Variants in OR4D1 observed in about 807,000 individuals in gnomAD.
The protein encoded by OR4D1 is olfactory receptor 4D1.
A neutral mutation model predicts 14.2 loss-of-function variants in OR4D1; 10 were observed. The observed-to-expected ratio is 0.71, with a 90% CI of 0.44 to 1.20. The LOEUF is 1.20. Among genes scored for constraint, OR4D1 ranks in the 50% most tolerant of loss-of-function variants. The pLI is 0.00. For missense variants in OR4D1, 345 were observed against 376.6 expected (o/e 0.92, Z 0.70); for synonymous variants, 141 against 147.4 (o/e 0.96, Z 0.32).
At chr17:58,150,688 AG>A (rs1326066611) in intron 2 of OR4D1, among the ~76,000 whole-genome samples, 2 of 152,124 alleles carry the variant, frequency 1.3e-5, no homozygotes, top group Non-Finnish European at 2.9e-5. Flanking sequence ...GGTTATGAGG[AG>A]GGGAGGAATC....
intron 2 of OR4D1, among the ~76,000 whole-genome samples, chr17:58,153,323 C>T (rs1046446159): frequency 2.0e-5 from 3 of 152,156 alleles, no homozygotes; most frequent in African/African-American, 7.2e-5. Flanking sequence ...AAGAGCTTGC[C>T]GGGGTTCTCA....
At chr17:58,151,147 G>T (rs1390787520) in intron 2 of OR4D1, among the ~76,000 whole-genome samples, 6 of 151,700 alleles carry the variant, frequency 4.0e-5, no homozygotes, top group African/African-American at 1.5e-4. Context: ...AAAATATTTT[G>T]TAATTCTCTC....
At position 58,157,819 on chromosome 17, in the gene OR4D1, A is replaced by G; in HGVS notation, c.*1733A>G. On this transcript the variant is annotated 3_prime_UTR_variant, in exon 4 of 4. Transcript: ENST00000268912. ...ACCTGTCCTAAGGAAGACCAGATCA[A>G]TAGACTCCATGATGGATGTTTGTTT... 1 of 1,597,444 alleles carries G rather than the reference A, an allele frequency of 6.3e-7. No individual in the cohort carries two copies. The highest frequency in any genetic ancestry group is 8.5e-7 in the Non-Finnish European group (1 of 1,173,862).
Position 58,158,575 on chromosome 17 carries a change from T to C in OR4D1, c.*2489T>C, listed in dbSNP as rs1362120676. On this transcript the variant is annotated 3_prime_UTR_variant, in exon 4 of 4. Transcript: ENST00000268912. The stretch of plus-strand genomic sequence containing the variant: ...AGGTGAGGTAGAAAATTAGAAATAC[T>C]TCCTAATTCTTCTCAAGGCTGTTGC... 1 of 150,482 alleles carries C rather than the reference T, an allele frequency of 6.6e-6. No homozygotes were observed. Among genetic ancestry groups the C allele is most frequent in the African/African-American group, 2.5e-5 (1 of 40,812 alleles). The allele number at this position is 150,482 out of a possible 1,614,324, so 9.3% of individuals were successfully genotyped here. A position where few individuals can be genotyped will look rare whatever the true frequency, so the allele number is the denominator to read the frequency against.
At chr17:58,153,439 G>A (rs199814481) in intron 2 of OR4D1, among the ~76,000 whole-genome samples, 1 of 152,230 alleles carries the variant, frequency 6.6e-6, no homozygotes, top group African/African-American at 2.4e-5. Flanking sequence ...ACAAATATCT[G>A]AGGATAAATG....
Position 58,152,713 on chromosome 17 carries a change from T to C in OR4D1, c.-126-1144T>C, listed in dbSNP as rs573595200. ...ACTTTGGGAGGCAGAAGCAGGTGGA[T>C]TGCTTGAGCTCAGGAGTTTGAAACC... On this transcript the variant is annotated intron_variant, in intron 2 of 3. Coordinates refer to ENST00000268912, the MANE Select transcript of OR4D1 (RefSeq NM_001386095.1). Among the ~76,000 whole-genome samples, 80 of 152,258 alleles carry C rather than the reference T, an allele frequency of 5.3e-4. No homozygotes were observed. In the Middle Eastern group the frequency reaches 0.01, roughly 19 times the overall value.
Position 58,156,024 on chromosome 17 carries a change from A to G in OR4D1, c.871A>G (p.Asn291Asp), listed in dbSNP as rs1311070163. The change falls in exon 4 of 4, where the codon AAC becomes GAC. Residue 291 changes from asparagine to aspartate, a missense_variant. Coordinates refer to ENST00000268912, the MANE Select transcript of OR4D1 (RefSeq NM_001386095.1). Reference sequence around the variant, plus strand: ...CAACCCCATGATCTACACCCTGAGAAACCAGGACATGAAAGCAGCCATGAG... The same window carrying G: ...CAACCCCATGATCTACACCCTGAGAGACCAGGACATGAAAGCAGCCATGAG... ...MLNPMIYTLRNQDMKAAMRRL... is the reference protein window; with the variant it reads ...MLNPMIYTLRDQDMKAAMRRL... The G allele has an allele frequency of 5.6e-6, 9 of 1,614,092 alleles. No homozygotes were observed. The highest frequency in any genetic ancestry group is 7.6e-6 in the Non-Finnish European group (9 of 1,179,978).
Position 58,157,172 on chromosome 17 carries a change from G to A in OR4D1, c.*1086G>A. The stretch of plus-strand genomic sequence containing the variant: ...ATGCGCTCGTGTCGGACAAGAAGCC[G>A]CCCAAGGAGGCATCCCCAGTGCCGG... On this transcript the variant is annotated 3_prime_UTR_variant, in exon 4 of 4. Coordinates refer to ENST00000268912, the MANE Select transcript of OR4D1 (RefSeq NM_001386095.1). The A allele has an allele frequency of 6.9e-7, 1 of 1,459,566 alleles. No homozygotes were observed. Among genetic ancestry groups the A allele is most frequent in the Non-Finnish European group, 9.1e-7 (1 of 1,101,926 alleles). 90.4% of individuals were successfully genotyped at this position (1,459,566 alleles called of 1,614,324 possible). A position where few individuals can be genotyped will look rare whatever the true frequency, so the allele number is the denominator to read the frequency against.
Position 58,148,811 on chromosome 17 carries a change from A to G in OR4D1, c.-495+227A>G, listed in dbSNP as rs372303044. Among the ~76,000 whole-genome samples the G allele has an allele frequency of 1.6e-3, 245 of 152,182 alleles. 9 individuals carry two copies. The South Asian group carries it at 0.049, about 31-fold the overall frequency. Reference sequence around the variant, plus strand: ...CATACATACTACAGCTTCTTCCCACACCTAGGAGAAAACACAAACAGGTCT... The same window carrying G: ...CATACATACTACAGCTTCTTCCCACGCCTAGGAGAAAACACAAACAGGTCT... On this transcript the variant is annotated intron_variant, in intron 1 of 3. Coordinates refer to ENST00000268912, the MANE Select transcript of OR4D1 (RefSeq NM_001386095.1).
In OR4D1 at chr17:58,155,932, G is replaced by A. The variant is rs1465064355; in HGVS notation, c.779G>A (p.Trp260Ter). Residue 260 changes from tryptophan to a stop codon, truncating the protein, a stop_gained, in exon 4 of 4, where the codon TGG becomes TAG. Coordinates refer to ENST00000268912, the MANE Select transcript of OR4D1 (RefSeq NM_001386095.1). LOFTEE classifies it high-confidence loss of function. ...ATTCCCTGTATCTATATCTATACCT[G>A]GCCCTTCACCCCATTCCTCATGGAC... ...IFIPCIYIYTWPFTPFLMDKA... is the reference protein window; with the variant it reads ...IFIPCIYIYT The A allele has an allele frequency of 2.5e-6, 4 of 1,613,938 alleles. No homozygotes were observed. Among genetic ancestry groups the A allele is most frequent in the Non-Finnish European group, 3.4e-6 (4 of 1,179,988 alleles).
Position 58,157,909 on chromosome 17 carries a change from G to T in OR4D1, c.*1823G>T. The T allele has an allele frequency of 8.8e-7, 1 of 1,132,472 alleles. No homozygotes were observed. The highest frequency in any genetic ancestry group is 1.3e-6 in the Non-Finnish European group (1 of 760,762). The allele number at this position is 1,132,472 out of a possible 1,614,324, so 70.2% of individuals were successfully genotyped here. A position where few individuals can be genotyped will look rare whatever the true frequency, so the allele number is the denominator to read the frequency against. On this transcript the variant is annotated 3_prime_UTR_variant, in exon 4 of 4. Transcript: ENST00000268912. ...CCAATACTCCTGTTCTGCAAACCCT[G>T]AGTGCACCACCCTAAGCGGCTAGGC...
chr17:58,149,129 G>C (rs759821372), intron 1 of OR4D1, among the ~76,000 whole-genome samples: 1 of 152,176 alleles, frequency 6.6e-6, no homozygotes, highest in African/African-American at 2.4e-5. Context: ...ACAGATGGGA[G>C]AGAAGATTGA....
At position 58,156,018 on chromosome 17, in the gene OR4D1, C is replaced by A. The variant is rs1011611044; in HGVS notation, c.865C>A (p.Leu289Met). 6.2e-6 allele frequency: 10 copies of A among 1,613,980 alleles called. No homozygotes were observed. In the African/African-American group the frequency reaches 1.3e-4, roughly 22 times the overall value. The change falls in exon 4 of 4, where the codon CTG becomes ATG. Residue 289 changes from leucine to methionine, a missense_variant. By Grantham distance (15) the Leu-to-Met change is conservative (BLOSUM62 2). Transcript: ENST00000268912. ...CATGCTCAACCCCATGATCTACACC[C>A]TGAGAAACCAGGACATGAAAGCAGC... ...TPMLNPMIYT[L>M]RNQDMKAAMR...
intron 2 of OR4D1, among the ~76,000 whole-genome samples, chr17:58,151,237 G>T (rs1211491084): frequency 6.6e-6 from 1 of 152,104 alleles, no homozygotes; most frequent in African/African-American, 2.4e-5. Context: ...TGTCTGTAAA[G>T]GTTGATGAAG....
chr17:58,152,494 C>G (rs1967714441), intron 2 of OR4D1, among the ~76,000 whole-genome samples: 1 of 152,200 alleles, frequency 6.6e-6, no homozygotes. Flanking sequence ...TTCAGAATTA[C>G]CACTATTACC....
At position 58,158,482 on chromosome 17, in the gene OR4D1, A is replaced by T. The variant is rs1597953608; in HGVS notation, c.*2396A>T. On this transcript the variant is annotated 3_prime_UTR_variant, in exon 4 of 4. Transcript: ENST00000268912. ...CCCACACACACATTTTTACAGTTTTACCTTTTTGAAGAATTTTTTTTTTGT... is the reference window on the plus strand; with the variant it reads ...CCCACACACACATTTTTACAGTTTTTCCTTTTTGAAGAATTTTTTTTTTGT... 9.7e-6 allele frequency: 1 copy of T among 103,226 alleles called. No individual in the cohort carries two copies. The highest frequency in any genetic ancestry group is 1.9e-5 in the Non-Finnish European group (1 of 53,592). The allele number at this position is 103,226 out of a possible 1,614,324, so 6.4% of individuals were successfully genotyped here. A position where few individuals can be genotyped will look rare whatever the true frequency, so the allele number is the denominator to read the frequency against.
chr17:58,156,682 T>C lies in OR4D1; in HGVS notation c.*596T>C, dbSNP rs75936564. ...TGCTCAAAGGTGAACAGTAAGTGAG[T>C]GGCAGAGCTTGCCCTGGAACCTGGT... On this transcript the variant is annotated 3_prime_UTR_variant, in exon 4 of 4. Coordinates refer to ENST00000268912, the MANE Select transcript of OR4D1 (RefSeq NM_001386095.1). 0.082 allele frequency: 13,961 copies of C among 169,894 alleles called. 653 individuals are homozygous for C. Among genetic ancestry groups the C allele is most frequent in the South Asian group, 0.1 (636 of 6,362 alleles). 10.5% of individuals were successfully genotyped at this position (169,894 alleles called of 1,614,324 possible). A position where few individuals can be genotyped will look rare whatever the true frequency, so the allele number is the denominator to read the frequency against.
intron 3 of OR4D1, 42 bp from the exon 4 acceptor site, chr17:58,155,093 A>C: frequency 7.7e-7 from 1 of 1,299,918 alleles, no homozygotes; most frequent in Non-Finnish European, 1.1e-6. Context: ...TTGAATTTTC[A>C]TTTTTTTTGT....
At position 58,157,403 on chromosome 17, in the gene OR4D1, A is replaced by G. The variant is rs1967790470; in HGVS notation, c.*1317A>G. 4 of 1,196,420 alleles carry G rather than the reference A, an allele frequency of 3.3e-6. No homozygotes were observed. The highest frequency in any genetic ancestry group is 4.9e-6 in the Non-Finnish European group (4 of 819,718). 74.1% of individuals were successfully genotyped at this position (1,196,420 alleles called of 1,614,324 possible). A position where few individuals can be genotyped will look rare whatever the true frequency, so the allele number is the denominator to read the frequency against. On this transcript the variant is annotated 3_prime_UTR_variant, in exon 4 of 4. Transcript: ENST00000268912. ...AAGACACGTGAGCCCTACCACCTGC[A>G]CCCTGAGAAAACACAAGACCAATCC...
Sources: gnomAD v4.1 joint callset for allele counts (sites outside exome capture counted in the v4.1 genomes callset) on GRCh38, gnomAD v4.1.1 for gene constraint, MANE v1.5 for transcripts, NCBI Gene and HGNC (gene_info 2026-07-23, HGNC 2026-07-21) for gene names.